The following CATSPERE variants were observed in gnomAD, a reference collection of about 807,000 sequenced individuals.
The protein encoded by CATSPERE is catsper channel auxiliary subunit epsilon.
CATSPERE carries 93 observed loss-of-function variants against 114.1 expected under a neutral mutation model. That is an observed-to-expected ratio of 0.81 (90% CI 0.69 to 0.97). CATSPERE has a LOEUF of 0.97. Ranked by LOEUF, CATSPERE falls within the 50% of genes least tolerant of loss-of-function variation. CATSPERE has a pLI of 0.00. For synonymous variants in CATSPERE, 341 were observed against 384.1 expected (o/e 0.89, Z 1.31); for missense variants, 1,058 against 1,131.6 (o/e 0.93, Z 0.93).
At chr1:244,602,123 A>T (rs1449261797) in intron 17 of CATSPERE, among the ~76,000 whole-genome samples, 1 of 152,224 alleles carries the variant, frequency 6.6e-6, no homozygotes, top group Middle Eastern at 3.4e-3. Flanking sequence ...GAACAGCACT[A>T]TTTGGGATTT....
intron 8 of CATSPERE, among the ~76,000 whole-genome samples, chr1:244,539,957 T>C (rs560668877): frequency 1.3e-5 from 2 of 152,092 alleles, no homozygotes; most frequent in Admixed American, 6.6e-5. Flanking sequence ...TGAATGGTTT[T>C]TTGTGTCTCT....
chr1:244,536,987 T>G (rs1572629914), intron 8 of CATSPERE, among the ~76,000 whole-genome samples: 1 of 152,252 alleles, frequency 6.6e-6, no homozygotes, highest in East Asian at 1.9e-4. Flanking sequence ...TTATGTCATC[T>G]GCAAACAAAA....
At chr1:244,545,171 A>G (rs1659531079) in intron 8 of CATSPERE, among the ~76,000 whole-genome samples, 1 of 152,198 alleles carries the variant, frequency 6.6e-6, no homozygotes, top group South Asian at 2.1e-4. Context: ...TCCAACTCAA[A>G]TATGGGGCCT....
intron 2 of CATSPERE, among the ~76,000 whole-genome samples, chr1:244,475,496 A>G (rs1433088978): frequency 6.6e-6 from 1 of 150,384 alleles, no homozygotes; most frequent in African/African-American, 2.5e-5. Flanking sequence ...GGCCTCCCAA[A>G]GTGCTGGGAT....
intron 8 of CATSPERE, among the ~76,000 whole-genome samples, chr1:244,534,403 T>G (rs1467589545): frequency 6.6e-6 from 1 of 152,150 alleles, no homozygotes; most frequent in African/African-American, 2.4e-5. Context: ...CTCTTAGATT[T>G]GCCCCGTTGA....
chr1:244,585,483 G>C (rs1004576127), intron 13 of CATSPERE, among the ~76,000 whole-genome samples: 1 of 152,190 alleles, frequency 6.6e-6, no homozygotes, highest in Admixed American at 6.5e-5. Flanking sequence ...AAATGTGGCC[G>C]TGTAGAGGCA....
intron 5 of CATSPERE, among the ~76,000 whole-genome samples, chr1:244,481,152 CATAAA>C (rs1670206041): frequency 6.6e-6 from 1 of 152,002 alleles, no homozygotes; most frequent in Admixed American, 6.6e-5. Flanking sequence ...GACTCTGTCT[CATAAA>C]ATAAAATAAT....
intron 7 of CATSPERE, among the ~76,000 whole-genome samples, chr1:244,512,162 G>C (rs895645769): frequency 6.6e-6 from 1 of 152,050 alleles, no homozygotes; most frequent in African/African-American, 2.4e-5. Flanking sequence ...CCACCTTCTG[G>C]AGCTCTCAAA....
chr1:244,465,592 T>C (rs1269608691), intron 2 of CATSPERE, among the ~76,000 whole-genome samples: 1 of 152,208 alleles, frequency 6.6e-6, no homozygotes, highest in Non-Finnish European at 1.5e-5. Context: ...GTGAACTTTC[T>C]TATTTGTCCT....
Position 244,640,129 on chromosome 1 carries a change from G to A in CATSPERE, c.*48G>A, listed in dbSNP as rs1228360594. On this transcript the variant is annotated 3_prime_UTR_variant, in exon 22 of 22. Transcript: ENST00000366534. ...ACAGATATATGCATATAGAGAAACAGTGTATTACATAGTGATATTGAGAGT... is the reference window on the plus strand; with the variant it reads ...ACAGATATATGCATATAGAGAAACAATGTATTACATAGTGATATTGAGAGT... The A allele has an allele frequency of 2.1e-6, 3 of 1,404,554 alleles. No homozygotes were observed. The highest frequency in any genetic ancestry group is 2.5e-5 in the South Asian group (2 of 79,216). 87.0% of individuals were successfully genotyped at this position (1,404,554 alleles called of 1,614,324 possible).
In CATSPERE at chr1:244,562,384, T is replaced by C. The variant is rs576629750; in HGVS notation, c.1507+1239T>C. On this transcript the variant is annotated intron_variant, in intron 10 of 21. Transcript: ENST00000366534. ...CCTTCAGTTCTTTTTCTGTTACAAA[T>C]AATGCTGCAGAAAATATGCATATGT... Among the ~76,000 whole-genome samples, 7 of 152,258 alleles carry C rather than the reference T, an allele frequency of 4.6e-5. No individual in the cohort carries two copies. The East Asian group carries it at 1.4e-3, about 29-fold the overall frequency.
Position 244,461,291 on chromosome 1 carries a change from T to C in CATSPERE, c.-139T>C. On this transcript the variant is annotated 5_prime_UTR_variant, in exon 1 of 22. Coordinates refer to ENST00000366534, the MANE Select transcript of CATSPERE (RefSeq NM_001130957.2). ...CACGCGCACACTTCTCCCTCGCTGG[T>C]CTTCAGGCCCGGCCCGCCCTGTCCA... 1 of 658,482 alleles carries C rather than the reference T, an allele frequency of 1.5e-6. No homozygotes were observed. The highest frequency in any genetic ancestry group is 2.2e-6 in the Non-Finnish European group (1 of 462,770). The allele number at this position is 658,482 out of a possible 1,614,324, so 40.8% of individuals were successfully genotyped here.
chr1:244,578,687 C>G (rs1665666203), intron 11 of CATSPERE, among the ~76,000 whole-genome samples: 1 of 150,744 alleles, frequency 6.6e-6, no homozygotes, highest in Non-Finnish European at 1.5e-5. Flanking sequence ...CTGTCTCTCT[C>G]TCTCTCTCCC....
intron 7 of CATSPERE, among the ~76,000 whole-genome samples, chr1:244,506,790 T>C (rs1292918788): frequency 6.6e-6 from 1 of 152,122 alleles, no homozygotes; most frequent in African/African-American, 2.4e-5. Context: ...TCAACTTTCT[T>C]AGCTATTTTC....
At chr1:244,617,480 T>C in intron 19 of CATSPERE, 49 bp from the exon 20 acceptor site, 1 of 1,387,012 alleles carries the variant, frequency 7.2e-7, no homozygotes, top group South Asian at 1.5e-5. Flanking sequence ...ATTTTGCGTA[T>C]CAAAGTCATA....
At chr1:244,493,295 A>T (rs1225794065) in intron 6 of CATSPERE, among the ~76,000 whole-genome samples, 8 of 152,334 alleles carry the variant, frequency 5.3e-5, no homozygotes, top group South Asian at 4.1e-4. Context: ...AAATACTGCC[A>T]CATATCTACA....
chr1:244,577,733 T>C (rs563489449), intron 11 of CATSPERE, among the ~76,000 whole-genome samples: 1 of 152,318 alleles, frequency 6.6e-6, no homozygotes, highest in Non-Finnish European at 1.5e-5. Context: ...ATCATGTTGG[T>C]GATCAGGTTT....
chr1:244,553,225 G>T (rs898431218), intron 9 of CATSPERE, among the ~76,000 whole-genome samples: 1 of 152,080 alleles, frequency 6.6e-6, no homozygotes, highest in Admixed American at 6.5e-5. Context: ...GTGTCTATGT[G>T]TTGGTATCAT....
intron 5 of CATSPERE, among the ~76,000 whole-genome samples, chr1:244,486,487 T>C (rs1415757548): frequency 1.3e-5 from 2 of 148,410 alleles, no homozygotes; most frequent in Non-Finnish European, 3.0e-5. Flanking sequence ...GTCCAGCATG[T>C]GGGGTACTCG....
Sources: allele counts gnomAD v4.1 joint callset (sites outside exome capture counted in the v4.1 genomes callset), GRCh38; gene constraint gnomAD v4.1.1; transcripts MANE v1.5; gene names NCBI Gene and HGNC (gene_info 2026-07-23, HGNC 2026-07-21).